The following DENND5B variants were observed in gnomAD, a reference collection of about 807,000 sequenced individuals.
DENND5B encodes DENN domain containing 5B.
A neutral mutation model predicts 140.6 loss-of-function variants in DENND5B; 34 were observed. The observed-to-expected ratio is 0.24, with a 90% CI of 0.18 to 0.32. The LOEUF (loss-of-function observed/expected upper bound fraction) is 0.32. Among genes scored for constraint, DENND5B ranks in the 10% least tolerant of loss-of-function variants. The pLI is 1.00. For synonymous variants in DENND5B, 551 were observed against 562.1 expected (o/e 0.98, Z 0.28); for missense variants, 1,142 against 1,560.2 (o/e 0.73, Z 4.52).
intron 10 of DENND5B, among the ~76,000 whole-genome samples, 158 bp downstream of exon 10, chr12:31,424,377 A>G (rs2137719546): frequency 2.6e-5 from 4 of 151,980 alleles, no homozygotes; most frequent in Admixed American, 2.6e-4. Context: ...CTCATGGGTT[A>G]TATTTTCTTT....
At chr12:31,580,259 T>A (rs907897218) in intron 1 of DENND5B, among the ~76,000 whole-genome samples, 39 of 152,138 alleles carry the variant, frequency 2.6e-4, no homozygotes, top group Non-Finnish European at 5.6e-4. Context: ...GGTACCTGCA[T>A]GCTTGCTTGC....
intron 12 of DENND5B, among the ~76,000 whole-genome samples, chr12:31,414,447 T>C (rs565796337): frequency 2.6e-5 from 4 of 152,198 alleles, no homozygotes; most frequent in Non-Finnish European, 5.9e-5. Flanking sequence ...CTGCCATTAT[T>C]TGCAGAATTT....
chr12:31,448,934 T>C (rs898703840), intron 5 of DENND5B, among the ~76,000 whole-genome samples: 3 of 152,248 alleles, frequency 2.0e-5, no homozygotes, highest in African/African-American at 7.2e-5. Context: ...GCTGTACACC[T>C]TTCCTGTTAC....
intron 1 of DENND5B, among the ~76,000 whole-genome samples, chr12:31,558,710 A>G (rs1042303478): frequency 4.6e-5 from 7 of 152,176 alleles, no homozygotes; most frequent in East Asian, 1.9e-4. Context: ...GCCTCCTCCT[A>G]AAGGACTGGC....
chr12:31,495,793 G>C lies in DENND5B; in HGVS notation c.237+17C>G. 2 of 1,534,356 alleles carry C rather than the reference G, an allele frequency of 1.3e-6. No individual in the cohort carries two copies. The highest frequency in any genetic ancestry group is 1.8e-6 in the Non-Finnish European group (2 of 1,134,344). Reference sequence around the variant, plus strand: ...AAACAAGGCTAAAGAGTAAATGAGGGGAAAAAAAACACATACCATGTTCAC... The same window carrying C: ...AAACAAGGCTAAAGAGTAAATGAGGCGAAAAAAAACACATACCATGTTCAC... On this transcript the variant is annotated intron_variant, in intron 2 of 20. Coordinates refer to ENST00000389082, the MANE Select transcript of DENND5B (RefSeq NM_144973.4).
At chr12:31,531,895 T>C (rs1438619083) in intron 1 of DENND5B, among the ~76,000 whole-genome samples, 1 of 152,182 alleles carries the variant, frequency 6.6e-6, no homozygotes, top group African/African-American at 2.4e-5. Flanking sequence ...TTTGGAGACA[T>C]GAAGGTCTTC....
rs575493362 is a variant in DENND5B at position 31,573,053 on chromosome 12, T to C, written c.127+17653A>G. The stretch of plus-strand genomic sequence containing the variant: ...GCTGTGTAAGGAAACCTGAGCAGAC[T>C]GGAGAAAAGCTCAAAGGCCTATCTA... On this transcript the variant is annotated intron_variant, in intron 1 of 20. Coordinates refer to ENST00000389082, the MANE Select transcript of DENND5B (RefSeq NM_144973.4). Among the ~76,000 whole-genome samples, 4 of 152,306 alleles carry C rather than the reference T, an allele frequency of 2.6e-5. No individual in the cohort carries two copies. In the South Asian group the frequency reaches 6.2e-4, roughly 24 times the overall value.
chr12:31,410,861 A>C (rs1942412586), intron 13 of DENND5B, among the ~76,000 whole-genome samples: 1 of 152,314 alleles, frequency 6.6e-6, no homozygotes, highest in Non-Finnish European at 1.5e-5. Context: ...TTTATGGTAC[A>C]CTGTTAAGCT....
Position 31,460,202 on chromosome 12 carries a change from G to T in DENND5B, c.1084C>A (p.Pro362Thr). 6.2e-7 allele frequency: 1 copy of T among 1,610,002 alleles called. No homozygotes were observed. ...EGTDRSKLEL[P>T]QEANLCFVDI... The stretch of plus-strand genomic sequence containing the variant: ...ATTCATTGTAGTTTTACCTCTTGAG[G>T]AAGTTCTAGTTTAGAACGGTCAGTT... Residue 362 changes from proline to threonine, a missense_variant, in exon 4 of 21, where the codon CCT becomes ACT. By Grantham distance (38) the Pro-to-Thr change is conservative (BLOSUM62 -1). Coordinates refer to ENST00000389082, the MANE Select transcript of DENND5B (RefSeq NM_144973.4).
intron 7 of DENND5B, among the ~76,000 whole-genome samples, chr12:31,435,633 C>T (rs1366934098): frequency 2.0e-5 from 3 of 148,342 alleles, no homozygotes; most frequent in African/African-American, 7.5e-5. Context: ...CATCTACTTC[C>T]CTTGAAAACG....
At chr12:31,509,346 T>C (rs974912035) in intron 1 of DENND5B, among the ~76,000 whole-genome samples, 9 of 152,192 alleles carry the variant, frequency 5.9e-5, no homozygotes, top group Admixed American at 2.0e-4. Flanking sequence ...TTTGGCCAAG[T>C]GTGGCAGCTC....
intron 19 of DENND5B, 142 bp downstream of exon 19, chr12:31,392,125 T>G: frequency 1.2e-6 from 1 of 831,228 alleles, no homozygotes; most frequent in East Asian, 3.8e-5. Context: ...GGCAACAGAG[T>G]AAGATTCCGT....
rs142508381 is a variant in DENND5B at position 31,472,544 on chromosome 12, G to A, written c.904+7045C>T. 4.2e-3 allele frequency among the ~76,000 whole-genome samples: 633 copies of A among 152,040 alleles called. 5 individuals carry two copies. The highest frequency in any genetic ancestry group is 0.014 in the African/African-American group (577 of 41,460). ...TGAACTCAGGTGATCTGCCCACCTC[G>A]GCCTTCCAAAGCATTGGGATTACAG... On this transcript the variant is annotated intron_variant, in intron 3 of 20. Transcript: ENST00000389082.
At position 31,404,753 on chromosome 12, in the gene DENND5B, C is replaced by T. The variant is rs1240306199; in HGVS notation, c.2804-2110G>A. Among the ~76,000 whole-genome samples, 3 of 44,280 alleles carry T rather than the reference C, an allele frequency of 6.8e-5. No individual in the cohort carries two copies. The Admixed American group carries it at 1.1e-3, about 17-fold the overall frequency. The allele number at this position is 44,280 out of a possible 152,430, so 29.0% of individuals were successfully genotyped here. On this transcript the variant is annotated intron_variant, in intron 14 of 20. Coordinates refer to ENST00000389082, the MANE Select transcript of DENND5B (RefSeq NM_144973.4). ...CCAGGCATAAGCCACCGCGTCCGAC[C>T]TCTAGCTTTTTTTTTTTTTTTTTGA...
intron 7 of DENND5B, among the ~76,000 whole-genome samples, chr12:31,436,892 A>T (rs1943787205): frequency 6.6e-6 from 1 of 152,094 alleles, no homozygotes; most frequent in Non-Finnish European, 1.5e-5. Context: ...GTCACCTCTG[A>T]GCCTTTGTCC....
chr12:31,588,559 C>T (rs1481627755), intron 1 of DENND5B, among the ~76,000 whole-genome samples: 1 of 152,080 alleles, frequency 6.6e-6, no homozygotes, highest in Non-Finnish European at 1.5e-5. Context: ...CATAACATTA[C>T]AACGTAACAG....
At position 31,525,594 on chromosome 12, in the gene DENND5B, T is replaced by C. The variant is rs549177108; in HGVS notation, c.128-29675A>G. On this transcript the variant is annotated intron_variant, in intron 1 of 20. Transcript: ENST00000389082. Reference sequence around the variant, plus strand: ...AGATGTTCTAACATTTATTGTGGAATGGTTGCACAACTCTGTGAATATATG... The same window carrying C: ...AGATGTTCTAACATTTATTGTGGAACGGTTGCACAACTCTGTGAATATATG... Among the ~76,000 whole-genome samples the C allele has an allele frequency of 7.9e-5, 12 of 152,346 alleles. No homozygotes were observed. In the South Asian group the frequency reaches 2.5e-3, roughly 32 times the overall value.
intron 1 of DENND5B, among the ~76,000 whole-genome samples, chr12:31,510,112 T>C (rs1331954339): frequency 6.6e-6 from 1 of 152,204 alleles, no homozygotes; most frequent in Non-Finnish European, 1.5e-5. Flanking sequence ...ACTTTTCCCC[T>C]GTAATAATTT....
chr12:31,566,984 T>C (rs776122533), intron 1 of DENND5B, among the ~76,000 whole-genome samples: 2 of 152,180 alleles, frequency 1.3e-5, no homozygotes, highest in Non-Finnish European at 2.9e-5. Context: ...TGCAAGCACT[T>C]GCAGACATTC....
Sources: allele counts gnomAD v4.1 joint callset (sites outside exome capture counted in the v4.1 genomes callset), GRCh38; gene constraint gnomAD v4.1.1; transcripts MANE v1.5; gene names NCBI Gene and HGNC (gene_info 2026-07-23, HGNC 2026-07-21).